Variants in ARHGEF18 observed in about 807,000 individuals in gnomAD.
ARHGEF18 encodes the protein Rho/Rac guanine nucleotide exchange factor 18.
A neutral mutation model predicts 155.7 loss-of-function variants in ARHGEF18; 93 were observed. That is an observed-to-expected ratio of 0.60 (90% CI 0.50 to 0.71). The LOEUF (loss-of-function observed/expected upper bound fraction) is 0.71. ARHGEF18 is among the 30% of genes least tolerant of loss of function. The probability of loss-of-function intolerance (pLI) is 0.00; values close to 1 mark genes in which losing one functional copy is unlikely to be tolerated. For synonymous variants in ARHGEF18, 742 were observed against 753.1 expected, an observed-to-expected ratio of 0.99 and a Z score of 0.24; for missense variants, 1,593 against 1,816.1, an observed-to-expected ratio of 0.88 and a Z score of 2.23.
Position 7,453,666 on chromosome 19 carries a change from C to T in ARHGEF18, c.2055C>T (p.Leu685=), listed in dbSNP as rs746987704. The change falls in exon 17 of 29, where the codon CTC becomes CTT. Residue 685 remains leucine, a synonymous_variant. Transcript: ENST00000668164. ...AGGAAGACATGCTTCAGCGGCAGCT[C>T]CACCTGGAGGGCATGCTATGCTGGA... ...FRKEDMLQRQ[L]HLEGMLCWKT... 3.7e-6 allele frequency: 6 copies of T among 1,604,390 alleles called. No homozygotes were observed. Among genetic ancestry groups the T allele is most frequent in the Middle Eastern group, 1.7e-4 (1 of 6,018 alleles).
At position 7,463,850 on chromosome 19, in the gene ARHGEF18, C is replaced by G. The variant is rs1976443378; in HGVS notation, c.2668C>G (p.Leu890Val). 2.5e-6 allele frequency: 4 copies of G among 1,606,204 alleles called. No individual in the cohort carries two copies. In the East Asian group the frequency reaches 9.0e-5, roughly 36 times the overall value. The change falls in exon 22 of 29, where the codon CTG becomes GTG. Residue 890 changes from leucine (L) to valine (V), a missense_variant. Transcript: ENST00000668164. This position sits in a 1 kb window ranked among gnomAD's most constrained non-coding sequence, Gnocchi z 5.2. ...EGIQSLICRQ[L>V]GSANGQAEDG... Reference sequence around the variant, plus strand: ...CATCCAGAGCCTGATCTGCAGGCAGCTGGGCAGCGCCAACGGCCAGGCGGA... The same window carrying G: ...CATCCAGAGCCTGATCTGCAGGCAGGTGGGCAGCGCCAACGGCCAGGCGGA...
intron 10 of ARHGEF18, among the ~76,000 whole-genome samples, chr19:7,420,093 G>T (rs181554217): frequency 4.6e-5 from 7 of 152,190 alleles, no homozygotes; most frequent in Admixed American, 4.6e-4. Context: ...AGCTCTCAGA[G>T]ATTGGCAACT....
chr19:7,458,296 T>TA (rs1568356963), intron 18 of ARHGEF18, among the ~76,000 whole-genome samples: 15,234 of 107,770 alleles, frequency 0.14, 842 homozygotes, highest in East Asian at 0.18. Flanking sequence ...CCAAGATAGT[T>TA]TAAAAAAAAA....
In ARHGEF18 at chr19:7,466,946, C is replaced by G; in HGVS notation, c.2933C>G (p.Pro978Arg). The G allele has an allele frequency of 6.2e-7, 1 of 1,613,526 alleles. No individual in the cohort carries two copies. Among genetic ancestry groups the G allele is most frequent in the South Asian group, 1.1e-5 (1 of 91,078 alleles). The change falls in exon 24 of 29, where the codon CCC becomes CGC. Residue 978 changes from proline (P) to arginine (R), a missense_variant. Pro to Arg is a moderately radical substitution (Grantham distance 103, BLOSUM62 -2). Coordinates refer to ENST00000668164, the MANE Select transcript of ARHGEF18 (RefSeq NM_001367823.1). ...GAGGCGCCAGGCACGGAATCCGATC[C>G]CCGTCTGCCCACCGTCCTGGAGTCG... ...VVEAPGTESD[P>R]RLPTVLESEL...
At chr19:7,429,146 G>T (rs112793526) in intron 10 of ARHGEF18, among the ~76,000 whole-genome samples, 18 of 146,792 alleles carry the variant, frequency 1.2e-4, no homozygotes, top group African/African-American at 4.5e-4. Flanking sequence ...GGTATGGCAT[G>T]TCAGCGTAGT....
intron 20 of ARHGEF18, among the ~76,000 whole-genome samples, chr19:7,461,676 T>G (rs78485711): frequency 0.033 from 5,001 of 152,250 alleles, 249 homozygotes; most frequent in East Asian, 0.14. Flanking sequence ...TGTTTGATTT[T>G]ATTTTATTTC....
intron 2 of ARHGEF18, among the ~76,000 whole-genome samples, chr19:7,369,265 C>T (rs1052475485): frequency 6.6e-6 from 1 of 151,670 alleles, no homozygotes; most frequent in African/African-American, 2.4e-5. Flanking sequence ...GGTTTGAGAC[C>T]AGCCTGGGCA....
chr19:7,369,230 G>C (rs1970082641), intron 2 of ARHGEF18, among the ~76,000 whole-genome samples: 1 of 152,148 alleles, frequency 6.6e-6, no homozygotes, highest in Non-Finnish European at 1.5e-5. Context: ...GGGAGGCTGA[G>C]GCGGATGGAT....
Position 7,427,934 on chromosome 19 carries a change from ACT to A in ARHGEF18, c.968-12407_968-12406del, listed in dbSNP as rs564715802. ...ACTCCAGCCTGGATGACAGAGTGAGACTCTGTCTCAAAAAAGAAAAAAGAAAA... is the reference window on the plus strand; with the variant it reads ...ACTCCAGCCTGGATGACAGAGTGAGACTGTCTCAAAAAAGAAAAAAGAAAA... On this transcript the variant is annotated intron_variant, in intron 10 of 28. Transcript: ENST00000668164. Among the ~76,000 whole-genome samples, 36 of 152,190 alleles carry A rather than the reference ACT, an allele frequency of 2.4e-4. No individual in the cohort carries two copies. In the East Asian group the frequency reaches 6.0e-3, roughly 25 times the overall value.
chr19:7,395,185 G>C lies in ARHGEF18; in HGVS notation c.967+11982G>C, dbSNP rs1042214861. 6.1e-6 allele frequency: 6 copies of C among 986,132 alleles called. No homozygotes were observed. The highest frequency in any genetic ancestry group is 7.2e-6 in the Non-Finnish European group (6 of 830,594). 61.1% of individuals were successfully genotyped at this position (986,132 alleles called of 1,614,324 possible). A position where few individuals can be genotyped will look rare whatever the true frequency, so the allele number is the denominator to read the frequency against. On this transcript the variant is annotated intron_variant, in intron 10 of 28. Transcript: ENST00000668164. This position sits in a 1 kb window ranked among gnomAD's most constrained non-coding sequence, Gnocchi z 5.0. Reference sequence around the variant, plus strand: ...TCTGGGGGGGCCGGACGGAGGCATCGGAGGCGGCTGCGAGAGTGGCAGAGG... The same window carrying C: ...TCTGGGGGGGCCGGACGGAGGCATCCGAGGCGGCTGCGAGAGTGGCAGAGG...
At chr19:7,415,873 AT>A (rs1972975793) in intron 10 of ARHGEF18, among the ~76,000 whole-genome samples, 1 of 152,006 alleles carries the variant, frequency 6.6e-6, no homozygotes, top group African/African-American at 2.4e-5. Context: ...TCTTTGTTTA[AT>A]TTTCACCCGC....
the ARHGEF18 span, chr19:7,478,316 G>A: frequency 3.7e-6 from 6 of 1,610,884 alleles, no homozygotes; most frequent in Non-Finnish European, 5.1e-6. Context: ...GCTCCTACCT[G>A]GTGAAGGGCG....
At chr19:7,375,632 A>G (rs540420978) in intron 3 of ARHGEF18, 88 bp from the exon 4 acceptor site, 330 of 1,205,494 alleles carry the variant, frequency 2.7e-4, no homozygotes, top group South Asian at 3.8e-4. Context: ...GCCCCCTTGC[A>G]TGTTCTTTCA....
At position 7,350,659 on chromosome 19, in the gene ARHGEF18, C is replaced by T. The variant is rs7253603; in HGVS notation, c.-111+1418C>T. On this transcript the variant is annotated intron_variant, in intron 1 of 28. Transcript: ENST00000668164. ...ATGGTGACTGTGTTGGACAGCTGGG[C>T]GTTCAAATCCCAGTTCCCTGGCCTC... 3.3e-5 allele frequency among the ~76,000 whole-genome samples: 5 copies of T among 152,230 alleles called. No individual in the cohort carries two copies. In the South Asian group the frequency reaches 6.2e-4, roughly 19 times the overall value.
chr19:7,385,922 CT>C (rs1345236653), intron 10 of ARHGEF18, among the ~76,000 whole-genome samples: 2 of 88,738 alleles, frequency 2.3e-5, no homozygotes, highest in Admixed American at 1.1e-4. Context: ...CTCCCTCTCT[CT>C]CTCTCTCTCT....
Position 7,462,738 on chromosome 19 carries a change from T to C in ARHGEF18, c.2635+404T>C, listed in dbSNP as rs540727157. Among the ~76,000 whole-genome samples, 1 of 151,956 alleles carries C rather than the reference T, an allele frequency of 6.6e-6. No individual in the cohort carries two copies. The highest frequency in any genetic ancestry group is 1.9e-4 in the East Asian group (1 of 5,166). Reference sequence around the variant, plus strand: ...GAAAAACACACGCACACTCCCTCAGTGGGTCCCCACGCACAGCTCTAACAC... The same window carrying C: ...GAAAAACACACGCACACTCCCTCAGCGGGTCCCCACGCACAGCTCTAACAC... On this transcript the variant is annotated intron_variant, in intron 21 of 28. Transcript: ENST00000668164. The surrounding 1 kb of genome is among the most constrained non-coding windows in gnomAD (Gnocchi z 4.4).
chr19:7,440,304 C>A lies in ARHGEF18; in HGVS notation c.968-40C>A. On this transcript the variant is annotated intron_variant, in intron 10 of 28. Coordinates refer to ENST00000668164, the MANE Select transcript of ARHGEF18 (RefSeq NM_001367823.1). This position sits in a 1 kb window ranked among gnomAD's most constrained non-coding sequence, Gnocchi z 5.4. ...CGCCGGGGACCTCCGCTACCCGACC[C>A]ACTTTCTCAGCACCAACTCTGTCCT... 2 of 1,598,192 alleles carry A rather than the reference C, an allele frequency of 1.3e-6. No individual in the cohort carries two copies. The highest frequency in any genetic ancestry group is 8.5e-7 in the Non-Finnish European group (1 of 1,172,712).
At chr19:7,467,745 A>T (rs1246563065) in intron 26 of ARHGEF18, 61 bp downstream of exon 26, 1 of 1,396,064 alleles carries the variant, frequency 7.2e-7, no homozygotes, top group African/African-American at 1.5e-5. Flanking sequence ...GTGCATTTGC[A>T]CGAGTGCATG....
At chr19:7,414,777 C>T (rs1410877883) in intron 10 of ARHGEF18, among the ~76,000 whole-genome samples, 1 of 151,030 alleles carries the variant, frequency 6.6e-6, no homozygotes. Context: ...CCATTGCACT[C>T]CAGCCTGGCG....
Sources: gnomAD v4.1 joint callset for allele counts (sites outside exome capture counted in the v4.1 genomes callset) on GRCh38, gnomAD v4.1.1 for gene constraint, Gnocchi (gnomAD v3.1) non-coding constraint, MANE v1.5 for transcripts, NCBI Gene and HGNC (gene_info 2026-07-23, HGNC 2026-07-21) for gene names.